ANKIB1: variants seen among roughly 807,000 people sequenced by gnomAD.
ANKIB1 encodes ankyrin repeat and IBR domain containing 1.
Under a neutral mutation model 122.1 loss-of-function variants are expected in ANKIB1, and 43 were observed. The ratio of observed to expected loss-of-function variants is 0.35; its 90% CI spans 0.28 to 0.45. The LOEUF (loss-of-function observed/expected upper bound fraction) is 0.45. ANKIB1 is among the 20% of genes least tolerant of loss of function. The probability of loss-of-function intolerance (pLI) is 1.00; values close to 1 mark genes in which losing one functional copy is unlikely to be tolerated. For missense variants in ANKIB1, 992 were observed against 1,329.5 expected (o/e 0.75, Z 3.95); for synonymous variants, 390 against 442.0 (o/e 0.88, Z 1.48).
chr7:92,261,012 T>C (rs1801550475), intron 1 of ANKIB1, among the ~76,000 whole-genome samples: 1 of 150,348 alleles, frequency 6.7e-6, no homozygotes, highest in Non-Finnish European at 1.5e-5. Flanking sequence ...TTCCTTTTTC[T>C]AAAATTGATA....
chr7:92,384,541 T>C (rs965955540), intron 11 of ANKIB1, among the ~76,000 whole-genome samples: 13 of 152,080 alleles, frequency 8.5e-5, no homozygotes, highest in Admixed American at 2.0e-4. Context: ...AACAGAGATA[T>C]AGACCAATGG....
chr7:92,311,720 C>A (rs1802692755), intron 3 of ANKIB1, among the ~76,000 whole-genome samples: 1 of 148,548 alleles, frequency 6.7e-6, no homozygotes, highest in Non-Finnish European at 1.5e-5. Flanking sequence ...AATAAGCGCC[C>A]CCCCCACACA....
chr7:92,360,452 T>TTG (rs1027074301), intron 9 of ANKIB1, among the ~76,000 whole-genome samples: 7 of 152,040 alleles, frequency 4.6e-5, no homozygotes, highest in Admixed American at 6.6e-5. Flanking sequence ...GTGTGTGTGT[T>TTG]TGTGTGTGTG....
At chr7:92,284,058 T>C (rs1040832956) in intron 1 of ANKIB1, among the ~76,000 whole-genome samples, 1 of 152,302 alleles carries the variant, frequency 6.6e-6, no homozygotes, top group African/African-American at 2.4e-5. Flanking sequence ...CATGAGCCAC[T>C]GCACCCGGCC....
chr7:92,270,997 A>T (rs567082620), intron 1 of ANKIB1, among the ~76,000 whole-genome samples: 2 of 151,980 alleles, frequency 1.3e-5, no homozygotes, highest in East Asian at 3.9e-4. Context: ...TTTTATAGAT[A>T]ATGCTTTTGT....
chr7:92,321,087 G>A (rs1047499276), intron 4 of ANKIB1, among the ~76,000 whole-genome samples: 3 of 151,778 alleles, frequency 2.0e-5, no homozygotes, highest in African/African-American at 7.3e-5. Context: ...ATTCTTTACT[G>A]TATGCCCTTT....
intron 5 of ANKIB1, among the ~76,000 whole-genome samples, chr7:92,338,864 A>G (rs1803353343): frequency 7.7e-6 from 1 of 130,412 alleles, no homozygotes; most frequent in Non-Finnish European, 1.6e-5. Context: ...GTGAGCTGAG[A>G]TCGCACCACT....
intron 1 of ANKIB1, among the ~76,000 whole-genome samples, chr7:92,283,001 A>T (rs1802041018): frequency 6.6e-6 from 1 of 152,198 alleles, no homozygotes; most frequent in Admixed American, 6.5e-5. Flanking sequence ...AGGCTTTTGA[A>T]TATAGCTTTT....
intron 1 of ANKIB1, among the ~76,000 whole-genome samples, chr7:92,259,414 T>C (rs1801514669): frequency 6.6e-6 from 1 of 152,198 alleles, no homozygotes; most frequent in African/African-American, 2.4e-5. Context: ...GTCTCCCTAA[T>C]TGGATTTCTG....
chr7:92,310,081 G>C (rs1802660267), intron 3 of ANKIB1, among the ~76,000 whole-genome samples: 2 of 151,450 alleles, frequency 1.3e-5, no homozygotes, highest in African/African-American at 4.9e-5. Context: ...AAAATTGAGA[G>C]TGGTGTTTTA....
chr7:92,275,189 C>T (rs1030574684), intron 1 of ANKIB1, among the ~76,000 whole-genome samples: 4 of 152,100 alleles, frequency 2.6e-5, no homozygotes, highest in Non-Finnish European at 4.4e-5. Context: ...TCCTCTCATT[C>T]TTTTTGACCT....
chr7:92,311,289 G>C (rs1189156803), intron 3 of ANKIB1, among the ~76,000 whole-genome samples: 2 of 152,124 alleles, frequency 1.3e-5, no homozygotes, highest in Non-Finnish European at 2.9e-5. Flanking sequence ...TTGATCCTCA[G>C]AGTAACTATC....
chr7:92,386,739 T>A, intron 12 of ANKIB1, 96 bp downstream of exon 12: 1 of 1,187,308 alleles, frequency 8.4e-7, no homozygotes, highest in Non-Finnish European at 1.1e-6. Context: ...CTTAATAAAG[T>A]ATTAAATTGA....
chr7:92,279,653 A>G (rs1017919532), intron 1 of ANKIB1, among the ~76,000 whole-genome samples: 2 of 152,220 alleles, frequency 1.3e-5, no homozygotes, highest in Non-Finnish European at 2.9e-5. Flanking sequence ...GAAACAGCCC[A>G]TATCAGACAG....
At chr7:92,353,660 A>C (rs995205274) in intron 9 of ANKIB1, among the ~76,000 whole-genome samples, 1 of 152,200 alleles carries the variant, frequency 6.6e-6, no homozygotes, top group Non-Finnish European at 1.5e-5. Flanking sequence ...CGCCATCATC[A>C]TTAGTTAAAA....
rs557160313 is a variant in ANKIB1 at position 92,399,567 on chromosome 7, C to T, written c.*618C>T. 1 of 152,192 alleles carries T rather than the reference C, an allele frequency of 6.6e-6. No homozygotes were observed. Among genetic ancestry groups the T allele is most frequent in the African/African-American group, 2.4e-5 (1 of 41,526 alleles). 9.4% of individuals were successfully genotyped at this position (152,192 alleles called of 1,614,324 possible). On this transcript the variant is annotated 3_prime_UTR_variant, in exon 20 of 20. Coordinates refer to ENST00000265742, the MANE Select transcript of ANKIB1 (RefSeq NM_019004.2). ...ACAGTCCAATTGTGCCAAACTCTTA[C>T]TTGTGTGCTGACTAACAAGGCATTT...
chr7:92,308,582 GTA>G (rs1802616085), intron 3 of ANKIB1, among the ~76,000 whole-genome samples: 1 of 151,914 alleles, frequency 6.6e-6, no homozygotes, highest in Admixed American at 6.6e-5. Context: ...AATACATACT[GTA>G]TTATACTGTA....
intron 1 of ANKIB1, among the ~76,000 whole-genome samples, chr7:92,291,723 C>A (rs1802255366): frequency 6.6e-6 from 1 of 151,774 alleles, no homozygotes; most frequent in African/African-American, 2.4e-5. Context: ...ATTACAGGCA[C>A]CCGCCACCAC....
chr7:92,376,826 T>C (rs1270846144), intron 11 of ANKIB1, among the ~76,000 whole-genome samples: 3 of 152,176 alleles, frequency 2.0e-5, no homozygotes, highest in Non-Finnish European at 4.4e-5. Context: ...TTTAAATTTT[T>C]CTTCTGCAGC....
Sources: allele counts gnomAD v4.1 joint callset (sites outside exome capture counted in the v4.1 genomes callset), GRCh38; gene constraint gnomAD v4.1.1; transcripts MANE v1.5; gene names NCBI Gene and HGNC (gene_info 2026-07-23, HGNC 2026-07-21).